Variants in ZNF385D observed in about 807,000 individuals in gnomAD.
ZNF385D encodes the protein zinc finger protein 659.
Under a neutral mutation model 35.8 loss-of-function variants are expected in ZNF385D, and 15 were observed. The observed-to-expected ratio is 0.42, with a 90% confidence interval of 0.28 to 0.64. The LOEUF (loss-of-function observed/expected upper bound fraction) is 0.64, where lower values mean the gene tolerates loss of function less well. ZNF385D is among the 30% of genes least tolerant of loss of function. The pLI, the probability that ZNF385D is intolerant of heterozygous loss-of-function variation, is 0.23. For missense variants in ZNF385D, 474 were observed against 494.6 expected (o/e 0.96, Z 0.39); for synonymous variants, 212 against 186.8 (o/e 1.13, Z -1.10).
At chr3:21,891,084 T>C (rs1372445901) in intron 3 of ZNF385D, among the ~76,000 whole-genome samples, 1 of 152,198 alleles carries the variant, frequency 6.6e-6, no homozygotes, top group African/African-American at 2.4e-5. Context: ...GAAGTTATAA[T>C]TTCATCATTT....
chr3:21,460,463 C>T (rs1207086908), intron 4 of ZNF385D, among the ~76,000 whole-genome samples: 1 of 152,118 alleles, frequency 6.6e-6, no homozygotes, highest in African/African-American at 2.4e-5. Flanking sequence ...GAACCTTTCA[C>T]AACATGTATG....
chr3:21,615,793 A>AGTGTGTGTGTGTGTGTGTGT (rs144521609), intron 2 of ZNF385D, among the ~76,000 whole-genome samples: 4,456 of 145,250 alleles, frequency 0.031, 108 homozygotes, highest in Middle Eastern at 0.073. Flanking sequence ...ATGGAGAAAG[A>AGTGTGTGTGTGTGTGTGTGT]GTGTGTGTGT....
At chr3:22,263,093 G>A (rs900315098) in intron 2 of ZNF385D, among the ~76,000 whole-genome samples, 3 of 151,902 alleles carry the variant, frequency 2.0e-5, no homozygotes, top group Non-Finnish European at 4.4e-5. Flanking sequence ...ACCTTCCGTG[G>A]TAACCTCTTT....
intron 2 of ZNF385D, among the ~76,000 whole-genome samples, chr3:21,653,713 A>G (rs969117100): frequency 6.6e-6 from 1 of 152,160 alleles, no homozygotes; most frequent in Middle Eastern, 3.4e-3. Flanking sequence ...GTGATTCTAA[A>G]AATCAAATAT....
In ZNF385D at chr3:21,437,019, T is replaced by A. The variant is rs763737284; in HGVS notation, c.624A>T (p.Leu208=). ...AGGCAGAGTTGACAGCAACCTTGCA[T>A]AGCGAACAGTAAAGAAGCCGTTTTG... The part of the protein sequence containing the change: ...EKAKRLLYCS[L]CKVAVNSASQ... The change falls in exon 5 of 8, where the codon CTA becomes CTT. Residue 208 remains leucine (L), a synonymous_variant. Coordinates refer to ENST00000281523, the MANE Select transcript of ZNF385D (RefSeq NM_024697.3). The A allele has an allele frequency of 6.2e-7, 1 of 1,614,002 alleles. No individual in the cohort carries two copies. The highest frequency in any genetic ancestry group is 2.2e-5 in the East Asian group (1 of 44,880).
chr3:21,698,756 G>T (rs1355000419), intron 1 of ZNF385D, among the ~76,000 whole-genome samples: 1 of 152,052 alleles, frequency 6.6e-6, no homozygotes, highest in Non-Finnish European at 1.5e-5. Flanking sequence ...ATTGTCACTG[G>T]TCATTAGAGA....
rs529031713 is a variant in ZNF385D, at chr3:21,805,702, A to G, written c.326-140674T>C. Among the ~76,000 whole-genome samples, 6 of 152,300 alleles carry G rather than the reference A, an allele frequency of 3.9e-5. No individual in the cohort carries two copies. The South Asian group carries it at 1.2e-3, about 32-fold the overall frequency. Reference sequence around the variant, plus strand: ...GTCCTAATTTTCCTCAGAGTTGCCAAGAGTATAGCAACACTGACAAGACTG... The same window carrying G: ...GTCCTAATTTTCCTCAGAGTTGCCAGGAGTATAGCAACACTGACAAGACTG... On this transcript the variant is annotated intron_variant, in intron 3 of 5. Transcript: ENST00000494108.
chr3:22,301,948 A>G (rs1336132763), intron 2 of ZNF385D, among the ~76,000 whole-genome samples: 2 of 151,914 alleles, frequency 1.3e-5, no homozygotes, highest in African/African-American at 4.8e-5. Context: ...TTTCTTCTTC[A>G]TATTGTTTCA....
At chr3:21,966,588 G>C (rs1490514923) in intron 3 of ZNF385D, among the ~76,000 whole-genome samples, 1 of 151,972 alleles carries the variant, frequency 6.6e-6, no homozygotes. Context: ...CTTCTTGTTT[G>C]TTTGTTTGTT....
intron 2 of ZNF385D, among the ~76,000 whole-genome samples, chr3:22,319,730 C>G (rs369822495): frequency 3.3e-5 from 5 of 152,264 alleles, no homozygotes; most frequent in South Asian, 4.1e-4. Context: ...GTAAAATTCT[C>G]TACTTCAGAA....
intron 3 of ZNF385D, among the ~76,000 whole-genome samples, chr3:22,007,079 G>T (rs1381871442): frequency 6.6e-6 from 1 of 150,634 alleles, no homozygotes; most frequent in Non-Finnish European, 1.5e-5. Flanking sequence ...TTTTGAAAAG[G>T]CAAACTGTTC....
chr3:22,090,594 C>T (rs145011920), intron 3 of ZNF385D, among the ~76,000 whole-genome samples: 42 of 152,234 alleles, frequency 2.8e-4, no homozygotes, highest in African/African-American at 9.4e-4. Flanking sequence ...AGTGTAGTCA[C>T]AGGACCGATA....
At chr3:21,562,944 AAAAC>A (rs2063007791) in intron 3 of ZNF385D, among the ~76,000 whole-genome samples, 2 of 152,210 alleles carry the variant, frequency 1.3e-5, no homozygotes, top group African/African-American at 2.4e-5. Flanking sequence ...GCAGCATTAA[AAAAC>A]AAAAAATCCC....
intron 2 of ZNF385D, among the ~76,000 whole-genome samples, chr3:22,234,937 T>C (rs13098418): frequency 0.3 from 45,084 of 151,886 alleles, 9,237 homozygotes; most frequent in African/African-American, 0.58. Flanking sequence ...AGGCAAAATA[T>C]CTTCAAGTAA....
At chr3:21,705,346 T>C (rs2067856984) in intron 1 of ZNF385D, among the ~76,000 whole-genome samples, 1 of 152,172 alleles carries the variant, frequency 6.6e-6, no homozygotes, top group South Asian at 2.1e-4. Flanking sequence ...ATTTTCTTGG[T>C]ACAGATTAAG....
intron 2 of ZNF385D, among the ~76,000 whole-genome samples, chr3:22,219,692 A>G (rs542082213): frequency 6.6e-6 from 1 of 152,310 alleles, no homozygotes; most frequent in African/African-American, 2.4e-5. Flanking sequence ...CTATTTCTAG[A>G]GGAATGACTC....
At chr3:21,424,570 C>T (rs1011479499) in intron 6 of ZNF385D, among the ~76,000 whole-genome samples, 9 of 150,990 alleles carry the variant, frequency 6.0e-5, no homozygotes, top group Admixed American at 5.3e-4. Flanking sequence ...GCCTCAGCCT[C>T]CCAAAGTGCT....
At chr3:21,729,150 G>T (rs370157501) in intron 1 of ZNF385D, among the ~76,000 whole-genome samples, 1 of 152,262 alleles carries the variant, frequency 6.6e-6, no homozygotes, top group East Asian at 1.9e-4. Flanking sequence ...AAGGAAGGGT[G>T]AGCAAGAGGT....
chr3:21,873,730 C>T (rs144871769), intron 3 of ZNF385D, among the ~76,000 whole-genome samples: 2 of 152,140 alleles, frequency 1.3e-5, no homozygotes, highest in African/African-American at 2.4e-5. Context: ...AGAATCATGC[C>T]GTATTTGTCC....
Sources: allele counts gnomAD v4.1 joint callset (sites outside exome capture counted in the v4.1 genomes callset), GRCh38; gene constraint gnomAD v4.1.1; transcripts MANE v1.5; gene names NCBI Gene and HGNC (gene_info 2026-07-23, HGNC 2026-07-21).